COPS4: variants seen among roughly 807,000 people sequenced by gnomAD.
COPS4 encodes the protein COP9 signalosome complex subunit 4.
A neutral mutation model predicts 55.1 loss-of-function variants in COPS4; 8 were observed. That is an observed-to-expected ratio of 0.15 (90% CI 0.09 to 0.26). COPS4 has a LOEUF of 0.26. COPS4 is among the 10% of genes least tolerant of loss of function. The probability of loss-of-function intolerance (pLI) is 1.00; values close to 1 mark genes in which losing one functional copy is unlikely to be tolerated. For synonymous variants in COPS4, 185 were observed against 165.7 expected (o/e 1.12, Z -0.90); for missense variants, 248 against 484.0 (o/e 0.51, Z 4.58).
At chr4:83,049,144 C>CTTTT in intron 2 of COPS4, 22 bp from the exon 3 acceptor site, 2 of 1,287,252 alleles carry the variant, frequency 1.6e-6, no homozygotes, top group Admixed American at 2.5e-5. Flanking sequence ...GTTTTCTTAT[C>CTTTT]TTTTTTTTTT....
intron 6 of COPS4, among the ~76,000 whole-genome samples, chr4:83,060,231 T>G (rs565207216): frequency 1.3e-4 from 20 of 150,506 alleles, no homozygotes; most frequent in African/African-American, 4.6e-4. Flanking sequence ...TCGCCCAGGC[T>G]GGAGTGCAGT....
chr4:83,046,635 A>G (rs1344791092), intron 2 of COPS4, among the ~76,000 whole-genome samples: 2 of 152,244 alleles, frequency 1.3e-5, no homozygotes, highest in African/African-American at 2.4e-5. Context: ...CTGTGCAGCA[A>G]CATGCATATG....
chr4:83,055,759 A>G (rs1255561564), intron 4 of COPS4, among the ~76,000 whole-genome samples: 1 of 151,868 alleles, frequency 6.6e-6, no homozygotes, highest in African/African-American at 2.4e-5. Flanking sequence ...TACCATTTTT[A>G]TGCACCACAA....
chr4:83,072,113 T>C (rs1324502623), intron 9 of COPS4, among the ~76,000 whole-genome samples: 1 of 151,984 alleles, frequency 6.6e-6, no homozygotes, highest in Non-Finnish European at 1.5e-5. Context: ...GGAGTTTCTT[T>C]CGCTCTTGTT....
At chr4:83,050,606 C>T (rs1448437601) in intron 4 of COPS4, among the ~76,000 whole-genome samples, 1 of 152,106 alleles carries the variant, frequency 6.6e-6, no homozygotes, top group South Asian at 2.1e-4. Flanking sequence ...GCCACTGCAC[C>T]TGGCCGAATA....
At chr4:83,060,628 A>T (rs1273258504) in intron 6 of COPS4, among the ~76,000 whole-genome samples, 1 of 151,976 alleles carries the variant, frequency 6.6e-6, no homozygotes, top group East Asian at 1.9e-4. Context: ...AGTTTCTTAC[A>T]GATTAGTTGC....
rs531458717 is a variant in COPS4, at chr4:83,059,230, TG to T, written c.715+1823del. Among the ~76,000 whole-genome samples the T allele has an allele frequency of 3.7e-3, 560 of 152,306 alleles. 6 individuals carry two copies. Among genetic ancestry groups the T allele is most frequent in the African/African-American group, 0.012 (517 of 41,566 alleles). On this transcript the variant is annotated intron_variant, in intron 6 of 9. Coordinates refer to ENST00000264389, the MANE Select transcript of COPS4 (RefSeq NM_016129.3). ...TTTTTGGTTTTGTTTATGACATTTT[TG>T]CCATGCAGAACCTTTTAGTGTTTAC...
At chr4:83,062,733 T>G (rs557601267) in intron 6 of COPS4, among the ~76,000 whole-genome samples, 1 of 152,212 alleles carries the variant, frequency 6.6e-6, no homozygotes, top group African/African-American at 2.4e-5. Context: ...AAGTATGATT[T>G]ATAGTGTTGG....
intron 2 of COPS4, among the ~76,000 whole-genome samples, chr4:83,048,646 A>C (rs1578707777): frequency 6.6e-6 from 1 of 151,894 alleles, no homozygotes; most frequent in African/African-American, 2.4e-5. Flanking sequence ...TTAATTAATG[A>C]ATTAATTAAT....
intron 7 of COPS4, 26 bp downstream of exon 7, chr4:83,063,272 T>C (rs1731208673): frequency 6.4e-7 from 1 of 1,564,434 alleles, no homozygotes; most frequent in Non-Finnish European, 8.7e-7. Context: ...TATGTGTATA[T>C]GGTAGTCAAT....
intron 1 of COPS4, among the ~76,000 whole-genome samples, chr4:83,043,546 A>G (rs959791812): frequency 3.0e-4 from 45 of 149,134 alleles, no homozygotes; most frequent in Non-Finnish European, 5.5e-4. Flanking sequence ...AAAAAAAAAA[A>G]CCATAACAAC....
intron 1 of COPS4, among the ~76,000 whole-genome samples, chr4:83,041,589 C>T (rs543688549): frequency 1.2e-4 from 19 of 152,218 alleles, no homozygotes; most frequent in African/African-American, 4.3e-4. Flanking sequence ...GCCTCAGCCT[C>T]CCGTGTAGCT....
At chr4:83,041,679 G>A (rs1730572138) in intron 1 of COPS4, among the ~76,000 whole-genome samples, 1 of 151,842 alleles carries the variant, frequency 6.6e-6, no homozygotes, top group Non-Finnish European at 1.5e-5. Context: ...TGTTGGCCAG[G>A]CTGGTCTTGA....
chr4:83,067,519 C>A (rs1233667918), intron 8 of COPS4, among the ~76,000 whole-genome samples: 2 of 141,102 alleles, frequency 1.4e-5, no homozygotes, highest in Non-Finnish European at 3.0e-5. Context: ...TCACCACGCC[C>A]AGCCCTTTTT....
At chr4:83,041,044 A>G (rs1459921758) in intron 1 of COPS4, among the ~76,000 whole-genome samples, 1 of 148,818 alleles carries the variant, frequency 6.7e-6, no homozygotes, top group African/African-American at 2.5e-5. Context: ...ATTTTCCTCC[A>G]TAAGTTTTTT....
In COPS4 at chr4:83,059,439, G is replaced by A. The variant is rs181112000; in HGVS notation, c.715+2031G>A. The stretch of plus-strand genomic sequence containing the variant: ...ACACTCTGAAAAAGTATTGAGAACC[G>A]GAAAGCTCCTGTTTATGTAGATTCT... On this transcript the variant is annotated intron_variant, in intron 6 of 9. Coordinates refer to ENST00000264389, the MANE Select transcript of COPS4 (RefSeq NM_016129.3). Among the ~76,000 whole-genome samples the A allele has an allele frequency of 5.9e-5, 9 of 151,888 alleles. No individual in the cohort carries two copies. The East Asian group carries it at 1.5e-3, about 26-fold the overall frequency.
In COPS4 at chr4:83,057,405, G is replaced by C. The variant is rs535518390; in HGVS notation, c.712G>C (p.Ala238Pro). Residue 238 changes from alanine to proline, a missense_variant, in exon 6 of 10, where the codon GCA becomes CCA. Ala to Pro is a conservative substitution (Grantham distance 27). Transcript: ENST00000264389. Reference sequence around the variant, plus strand: ...TTTGCACTGTACGATCTTAGCATCAGCAGGTAAACACGTAATAATTTATAC... The same window carrying C: ...TTTGCACTGTACGATCTTAGCATCACCAGGTAAACACGTAATAATTTATAC... Reference protein sequence around the residue: ...HALHCTILASAGQQRSRMLAT... With the variant: ...HALHCTILASPGQQRSRMLAT... The C allele has an allele frequency of 6.4e-7, 1 of 1,572,554 alleles. No individual in the cohort carries two copies. Among genetic ancestry groups the C allele is most frequent in the African/African-American group, 1.4e-5 (1 of 73,250 alleles).
Position 83,068,329 on chromosome 4 carries a change from T to C in COPS4, c.1003-109T>C, listed in dbSNP as rs1001965377. The stretch of plus-strand genomic sequence containing the variant: ...TCTTCTAGTGGCAGATTAATGTATA[T>C]GTAAAGTTTAGTGATGGTAGTTAAA... On this transcript the variant is annotated intron_variant, in intron 8 of 9. Coordinates refer to ENST00000264389, the MANE Select transcript of COPS4 (RefSeq NM_016129.3). 7.1e-6 allele frequency: 5 copies of C among 706,126 alleles called. No individual in the cohort carries two copies. The African/African-American group carries it at 9.1e-5, about 13-fold the overall frequency. 43.7% of individuals were successfully genotyped at this position (706,126 alleles called of 1,614,324 possible).
At chr4:83,070,076 T>G (rs114480324) in intron 9 of COPS4, among the ~76,000 whole-genome samples, 1,574 of 151,628 alleles carry the variant, frequency 0.01, 25 homozygotes, top group African/African-American at 0.036. Flanking sequence ...TCTCACTACT[T>G]TTTGAACCTT....
Sources: gnomAD v4.1 joint callset for allele counts (sites outside exome capture counted in the v4.1 genomes callset) on GRCh38, gnomAD v4.1.1 for gene constraint, MANE v1.5 for transcripts, NCBI Gene and HGNC (gene_info 2026-07-23, HGNC 2026-07-21) for gene names.